The following ELL variants were observed in gnomAD, a reference collection of about 807,000 sequenced individuals.
ELL encodes elongation factor for RNA polymerase II.
ELL carries 18 observed loss-of-function variants against 64.0 expected under a neutral mutation model. That is an observed-to-expected ratio of 0.28 (90% CI 0.19 to 0.42). The LOEUF is 0.42. Ranked by LOEUF, ELL falls within the 10% of genes least tolerant of loss-of-function variation. ELL has a pLI of 1.00. For missense variants in ELL, 797 were observed against 870.4 expected (o/e 0.92, Z 1.06); for synonymous variants, 399 against 376.2 (o/e 1.06, Z -0.70).
chr19:18,521,633 G>A (rs912385216), intron 1 of ELL, among the ~76,000 whole-genome samples: 3 of 152,008 alleles, frequency 2.0e-5, no homozygotes, highest in Admixed American at 1.3e-4. Context: ...GAAAGGCCCC[G>A]GACGCCGCCA....
chr19:18,458,394 A>G, intron 5 of ELL, 65 bp from the exon 6 acceptor site: 2 of 1,574,728 alleles, frequency 1.3e-6, no homozygotes, highest in South Asian at 1.1e-5. Context: ...TAGAGAAAAA[A>G]GATCTGATAG....
chr19:18,453,285 A>G (rs1213391354), intron 6 of ELL, among the ~76,000 whole-genome samples: 1 of 152,238 alleles, frequency 6.6e-6, no homozygotes, highest in African/African-American at 2.4e-5. Flanking sequence ...AAAAACATAA[A>G]ATAAATAAAT....
chr19:18,508,322 C>A (rs2144972618), intron 1 of ELL, among the ~76,000 whole-genome samples: 1 of 152,288 alleles, frequency 6.6e-6, no homozygotes, highest in East Asian at 1.9e-4. Context: ...AAAATAAAAA[C>A]AAAAATAGAA....
chr19:18,486,565 A>G (rs1456030548), intron 1 of ELL, among the ~76,000 whole-genome samples: 1 of 152,130 alleles, frequency 6.6e-6, no homozygotes, highest in African/African-American at 2.4e-5. Context: ...CGGTTCTGAG[A>G]AGGGAGCCTG....
chr19:18,447,867 C>T (rs1395622321), intron 8 of ELL, among the ~76,000 whole-genome samples: 2 of 151,816 alleles, frequency 1.3e-5, no homozygotes, highest in African/African-American at 2.4e-5. Context: ...TCACTACAAC[C>T]TTGAACTCCT....
intron 1 of ELL, among the ~76,000 whole-genome samples, chr19:18,485,082 G>A (rs1182567627): frequency 6.6e-6 from 1 of 152,192 alleles, no homozygotes; most frequent in African/African-American, 2.4e-5. Flanking sequence ...CCCCTCATCA[G>A]AGCCCAGGCC....
At chr19:18,488,919 G>A (rs1600480225) in intron 1 of ELL, among the ~76,000 whole-genome samples, 1 of 152,220 alleles carries the variant, frequency 6.6e-6, no homozygotes, top group Non-Finnish European at 1.5e-5. Flanking sequence ...CACAGGCGCA[G>A]GTCATGCGTC....
chr19:18,489,651 C>T (rs1257143366), intron 1 of ELL, among the ~76,000 whole-genome samples: 3 of 152,188 alleles, frequency 2.0e-5, no homozygotes, highest in African/African-American at 7.2e-5. Flanking sequence ...CCACGCTGGC[C>T]CCTTCATGGT....
intron 1 of ELL, among the ~76,000 whole-genome samples, chr19:18,513,359 C>T (rs2144978743): frequency 1.3e-5 from 2 of 152,282 alleles, no homozygotes; most frequent in Middle Eastern, 3.4e-3. Context: ...ACAAAAATGC[C>T]CGAAGAATAC....
Position 18,446,309 on chromosome 19 carries a change from C to T in ELL, c.1704G>A (p.Glu568=). The T allele has an allele frequency of 1.3e-6, 2 of 1,577,310 alleles. No homozygotes were observed. The highest frequency in any genetic ancestry group is 1.7e-6 in the Non-Finnish European group (2 of 1,165,160). ...RQLSQGSEEY[E]TTRGQILQEY... is the part of the protein sequence containing the mutation. ...ACAGTAGGCAGCGGGGGGGCTCTAC[C>T]TCATACTCCTCGGAGCCCTGGGAGA... The change falls in exon 10 of 12, where the codon GAG becomes GAA. Residue 568 remains glutamate (E), a splice_region_variant and synonymous_variant. Transcript: ENST00000262809.
intron 1 of ELL, among the ~76,000 whole-genome samples, chr19:18,480,342 G>A (rs945936488): frequency 1.3e-5 from 2 of 152,256 alleles, no homozygotes; most frequent in Non-Finnish European, 2.9e-5. Flanking sequence ...ACTGAGTGGG[G>A]CTGTCTCCGT....
At chr19:18,465,338 G>C in intron 4 of ELL, 74 bp downstream of exon 4, 1 of 1,516,484 alleles carries the variant, frequency 6.6e-7, no homozygotes, top group Non-Finnish European at 8.8e-7. Context: ...TGCCCAGCCT[G>C]GACAGGCCCC....
In ELL at chr19:18,450,649, C is replaced by T. The variant is rs753948964; in HGVS notation, c.1293G>A (p.Thr431=). The T allele has an allele frequency of 4.4e-6, 7 of 1,601,738 alleles. No homozygotes were observed. The highest frequency in any genetic ancestry group is 2.3e-5 in the East Asian group (1 of 44,352). ...PTVRLGLPLL[T]DCAQPSRPHG... ...GTGGCCTGCTGGGCTGGGCACAGTC[C>T]GTCAGCAGGGGCAGGCCGAGGCGCA... Residue 431 remains threonine, a synonymous_variant, in exon 8 of 12, where the codon ACG becomes ACA. Transcript: ENST00000262809.
chr19:18,519,019 C>T (rs1889242911), intron 1 of ELL, among the ~76,000 whole-genome samples: 1 of 152,028 alleles, frequency 6.6e-6, no homozygotes, highest in African/African-American at 2.4e-5. Context: ...CAGCAAGTTC[C>T]TTTCTAGCCC....
chr19:18,450,621 C>G lies in ELL; in HGVS notation c.1321G>C (p.Gly441Arg), dbSNP rs144216885. ...TTGGGCTTGCTGCGCGAGGGGCTGC[C>G]GTGTGGCCTGCTGGGCTGGGCACAG... Reference protein sequence around the residue: ...TDCAQPSRPHGSPSRSKPKKK... With the variant: ...TDCAQPSRPHRSPSRSKPKKK... Residue 441 changes from glycine (G) to arginine (R), a missense_variant, in exon 8 of 12, where the codon GGC (glycine) becomes CGC (arginine). Transcript: ENST00000262809. 6.2e-7 allele frequency: 1 copy of G among 1,609,702 alleles called. No homozygotes were observed. Among genetic ancestry groups the G allele is most frequent in the African/African-American group, 1.3e-5 (1 of 74,842 alleles).
chr19:18,475,735 C>G (rs1474214192), intron 1 of ELL: 1 of 152,172 alleles, frequency 6.6e-6, no homozygotes, highest in Non-Finnish European at 1.5e-5. Flanking sequence ...AGACAGAAAG[C>G]CGACCAGCAG....
At chr19:18,494,505 C>T (rs1421406694) in intron 1 of ELL, among the ~76,000 whole-genome samples, 1 of 151,924 alleles carries the variant, frequency 6.6e-6, no homozygotes, top group African/African-American at 2.4e-5. Flanking sequence ...GCAATTCTGT[C>T]ACAGCCTCCC....
chr19:18,516,324 G>A (rs542656076), intron 1 of ELL, among the ~76,000 whole-genome samples: 16 of 152,222 alleles, frequency 1.1e-4, no homozygotes, highest in Admixed American at 2.0e-4. Flanking sequence ...CCTTCCCTGC[G>A]ACAGCACACC....
At chr19:18,447,707 G>A (rs79341273) in intron 8 of ELL, among the ~76,000 whole-genome samples, 1,933 of 152,252 alleles carry the variant, frequency 0.013, 17 homozygotes, top group Non-Finnish European at 0.02. Flanking sequence ...AATTTAGTGC[G>A]TTTTCTAGAC....
Sources: gnomAD v4.1 joint callset for allele counts (sites outside exome capture counted in the v4.1 genomes callset) on GRCh38, gnomAD v4.1.1 for gene constraint, MANE v1.5 for transcripts, NCBI Gene and HGNC (gene_info 2026-07-23, HGNC 2026-07-21) for gene names.